PTGIS: variants seen among roughly 807,000 people sequenced by gnomAD.
PTGIS encodes prostaglandin I2 synthase.
A neutral mutation model predicts 50.3 loss-of-function variants in PTGIS; 45 were observed. The observed-to-expected ratio is 0.90, with a 90% confidence interval of 0.70 to 1.15. PTGIS has a LOEUF of 1.15. PTGIS is among the 50% of genes most tolerant of loss of function. The pLI is 0.00. For synonymous variants in PTGIS, 260 were observed against 267.7 expected, an observed-to-expected ratio of 0.97 and a Z score of 0.28; for missense variants, 668 against 661.3, an observed-to-expected ratio of 1.01 and a Z score of -0.11.
At chr20:49,554,515 C>T (rs1982579849) in intron 1 of PTGIS, among the ~76,000 whole-genome samples, 1 of 152,174 alleles carries the variant, frequency 6.6e-6, no homozygotes, top group Non-Finnish European at 1.5e-5. Flanking sequence ...ATCTTAAACA[C>T]TGACAGCAGT....
At chr20:49,510,788 A>ATGGTGT (rs1395492720) in intron 9 of PTGIS, among the ~76,000 whole-genome samples, 27 of 152,160 alleles carry the variant, frequency 1.8e-4, no homozygotes, top group African/African-American at 6.5e-4. Context: ...GGAGGGAAGA[A>ATGGTGT]CCTGCTGCCA....
chr20:49,536,719 G>A (rs1982086285), intron 5 of PTGIS, among the ~76,000 whole-genome samples: 1 of 151,974 alleles, frequency 6.6e-6, no homozygotes, highest in Admixed American at 6.5e-5. Flanking sequence ...CTCACCTTAG[G>A]TGATCCACCC....
At chr20:49,543,661 A>G (rs1009450735) in intron 4 of PTGIS, among the ~76,000 whole-genome samples, 5 of 152,136 alleles carry the variant, frequency 3.3e-5, no homozygotes, top group African/African-American at 1.2e-4. Flanking sequence ...CTTTGCAGTT[A>G]GGTCTTGGCT....
At chr20:49,549,718 T>G (rs1982456359) in intron 2 of PTGIS, among the ~76,000 whole-genome samples, 1 of 152,042 alleles carries the variant, frequency 6.6e-6, no homozygotes, top group Non-Finnish European at 1.5e-5. Flanking sequence ...AGACACCAGG[T>G]GGACAGGCAG....
chr20:49,544,750 C>T (rs756233389), intron 3 of PTGIS, among the ~76,000 whole-genome samples: 8 of 152,122 alleles, frequency 5.3e-5, no homozygotes, highest in Non-Finnish European at 8.8e-5. Flanking sequence ...AGTGACTTGC[C>T]CAAGGTCACA....
At position 49,507,649 on chromosome 20, in the gene PTGIS, G is replaced by T. The variant is rs934568191; in HGVS notation, c.*271C>A. 6 of 530,234 alleles carry T rather than the reference G, an allele frequency of 1.1e-5. No individual in the cohort carries two copies. The African/African-American group carries it at 1.1e-4, about 10-fold the overall frequency. The allele number at this position is 530,234 out of a possible 1,614,324, so 32.8% of individuals were successfully genotyped here. A position where few individuals can be genotyped will look rare whatever the true frequency, so the allele number is the denominator to read the frequency against. ...GAATAGCATTTGTGGATATCACGAGGTGAGAGTAACGAGGTGAATTGGGAG... is the reference window on the plus strand; with the variant it reads ...GAATAGCATTTGTGGATATCACGAGTTGAGAGTAACGAGGTGAATTGGGAG... On this transcript the variant is annotated 3_prime_UTR_variant, in exon 10 of 10. Transcript: ENST00000244043.
intron 5 of PTGIS, among the ~76,000 whole-genome samples, chr20:49,532,144 A>C (rs547495939): frequency 6.6e-6 from 1 of 152,346 alleles, no homozygotes; most frequent in African/African-American, 2.4e-5. Context: ...TTAATGCTAA[A>C]ATGCTAATAA....
At chr20:49,534,486 G>C (rs1275995240) in intron 5 of PTGIS, among the ~76,000 whole-genome samples, 2 of 152,114 alleles carry the variant, frequency 1.3e-5, no homozygotes, top group Admixed American at 1.3e-4. Flanking sequence ...CAGAGTGATG[G>C]GGGGAGTTCC....
At chr20:49,562,803 C>T (rs1283984469) in intron 1 of PTGIS, among the ~76,000 whole-genome samples, 1 of 152,204 alleles carries the variant, frequency 6.6e-6, no homozygotes. Flanking sequence ...CCCACTTGAC[C>T]CTTTGTGAAC....
chr20:49,530,653 C>T (rs1981912002), intron 5 of PTGIS, among the ~76,000 whole-genome samples: 1 of 152,132 alleles, frequency 6.6e-6, no homozygotes, highest in Admixed American at 6.5e-5. Flanking sequence ...TTGCATTTCC[C>T]CAATGAGTAG....
chr20:49,512,789 G>A (rs1168690501), intron 8 of PTGIS, among the ~76,000 whole-genome samples: 2 of 152,164 alleles, frequency 1.3e-5, no homozygotes, highest in African/African-American at 2.4e-5. Flanking sequence ...AAGAGAAGCT[G>A]TGAAAAAAGG....
intron 6 of PTGIS, among the ~76,000 whole-genome samples, chr20:49,521,735 G>A (rs921251308): frequency 1.3e-5 from 2 of 152,192 alleles, no homozygotes; most frequent in Non-Finnish European, 2.9e-5. Context: ...GAATTACCCA[G>A]AAATGTCAGC....
intron 1 of PTGIS, among the ~76,000 whole-genome samples, chr20:49,567,642 C>CT (rs1419324795): frequency 1.3e-5 from 2 of 152,226 alleles, no homozygotes; most frequent in African/African-American, 4.8e-5. Flanking sequence ...CAGGCAGAGG[C>CT]TGGAGAGTGG....
chr20:49,514,731 GATCAC>G (rs1981430652), intron 6 of PTGIS, among the ~76,000 whole-genome samples: 2 of 152,222 alleles, frequency 1.3e-5, no homozygotes, highest in Non-Finnish European at 2.9e-5. Context: ...ATCTGAGAAT[GATCAC>G]ATTGTTGGCC....
At chr20:49,510,247 C>T (rs992381781) in intron 9 of PTGIS, among the ~76,000 whole-genome samples, 1 of 152,102 alleles carries the variant, frequency 6.6e-6, no homozygotes, top group African/African-American at 2.4e-5. Flanking sequence ...GTATTATGTT[C>T]ATAATTGACT....
At chr20:49,559,893 C>T (rs191433432) in intron 1 of PTGIS, among the ~76,000 whole-genome samples, 81 of 150,632 alleles carry the variant, frequency 5.4e-4, no homozygotes, top group Non-Finnish European at 7.5e-4. Context: ...TTGCACAACC[C>T]GGTGGATATA....
At chr20:49,508,687 T>C (rs561038775) in intron 9 of PTGIS, among the ~76,000 whole-genome samples, 35 of 152,288 alleles carry the variant, frequency 2.3e-4, no homozygotes, top group African/African-American at 7.7e-4. Flanking sequence ...CAGGCATCGC[T>C]CTCAAGACAT....
chr20:49,511,748 A>G (rs886451090), intron 8 of PTGIS, among the ~76,000 whole-genome samples: 1 of 152,236 alleles, frequency 6.6e-6, no homozygotes, highest in Non-Finnish European at 1.5e-5. Flanking sequence ...GGCATGGAGT[A>G]GCTGCCGACT....
At chr20:49,536,032 T>C (rs1982060125) in intron 5 of PTGIS, among the ~76,000 whole-genome samples, 2 of 152,242 alleles carry the variant, frequency 1.3e-5, no homozygotes, top group South Asian at 4.1e-4. Context: ...AAGATGTTTA[T>C]ATCAACAGAG....
Sources: gnomAD v4.1 joint callset for allele counts (sites outside exome capture counted in the v4.1 genomes callset) on GRCh38, gnomAD v4.1.1 for gene constraint, MANE v1.5 for transcripts, NCBI Gene and HGNC (gene_info 2026-07-23, HGNC 2026-07-21) for gene names.